Variants in DPH6 observed in about 807,000 individuals in gnomAD.
The protein encoded by DPH6 is diphthamine biosynthesis 6, also known as diphthine--ammonia ligase.
In DPH6, 33 loss-of-function variants were observed where a neutral mutation model predicts 38.2. The observed-to-expected ratio is 0.86, with a 90% CI of 0.65 to 1.15. DPH6 has a LOEUF of 1.15. DPH6 is among the 50% of genes most tolerant of loss of function. The probability of loss-of-function intolerance (pLI) is 0.00; values close to 1 mark genes in which losing one functional copy is unlikely to be tolerated. For missense variants in DPH6, 325 were observed against 320.0 expected (o/e 1.02, Z -0.12); for synonymous variants, 108 against 103.0 (o/e 1.05, Z -0.30).
In DPH6 at chr15:35,225,518, C is replaced by T. The variant is rs376795302; in HGVS notation, n.201-4936G>A. On this transcript the variant is annotated intron_variant and non_coding_transcript_variant, in intron 3 of 3. Transcript: ENST00000560386. ...TTGTTATAGCTTTGGCCATTGGAGA[C>T]GTGTTCAGGATGGCTTTCTGTCTAC... is the stretch of plus-strand genomic sequence containing the variant. 1.4e-4 allele frequency among the ~76,000 whole-genome samples: 22 copies of T among 152,236 alleles called. No homozygotes were observed. In the South Asian group the frequency reaches 4.4e-3, roughly 30 times the overall value.
intron 3 of DPH6, among the ~76,000 whole-genome samples, chr15:35,344,234 A>T (rs1260606886): frequency 6.6e-6 from 1 of 151,978 alleles, no homozygotes; most frequent in Non-Finnish European, 1.5e-5. Context: ...TCAAAGAGGA[A>T]ATGTGAATTG....
intron 5 of DPH6, among the ~76,000 whole-genome samples, chr15:35,425,915 C>T (rs1001708108): frequency 1.3e-5 from 2 of 150,524 alleles, no homozygotes; most frequent in Non-Finnish European, 3.0e-5. Context: ...CCTGCCTTAC[C>T]CAGTGAAGAA....
intron 3 of DPH6, among the ~76,000 whole-genome samples, chr15:35,262,911 A>C (rs1031320852): frequency 6.6e-6 from 1 of 152,158 alleles, no homozygotes; most frequent in African/African-American, 2.4e-5. Flanking sequence ...AAAGTGAGAG[A>C]ATCATGCAGA....
intron 1 of DPH6, among the ~76,000 whole-genome samples, chr15:35,542,964 A>ATATATATATATATATATATG (rs2055281933): frequency 8.1e-6 from 1 of 123,896 alleles, no homozygotes; most frequent in Non-Finnish European, 1.7e-5. Context: ...ATATATATAT[A>ATATATATATATATATATATG]TAAAATAATT....
intron 3 of DPH6, among the ~76,000 whole-genome samples, chr15:35,317,310 AAAG>A (rs2052199425): frequency 6.6e-6 from 1 of 151,352 alleles, no homozygotes; most frequent in South Asian, 2.1e-4. Context: ...GGAAAGAGAG[AAAG>A]AAGGAAGGAA....
At chr15:35,368,029 C>T (rs1360453106), downstream of DPH6, among the ~76,000 whole-genome samples, 2 of 151,808 alleles carry the variant, frequency 1.3e-5, no homozygotes, top group Non-Finnish European at 2.9e-5. Flanking sequence ...GAAAATGGAA[C>T]AGTAGTCAAG....
chr15:35,384,254 A>AT lies in DPH6; in HGVS notation c.568-2339dup, dbSNP rs1364587720. On this transcript the variant is annotated intron_variant, in intron 6 of 8. Transcript: ENST00000256538. ...ATGAAAAATACTAAATCATTAACAG[A>AT]TTTTTGAAAAGTTTAATTTCTCAAT... 3.3e-5 allele frequency among the ~76,000 whole-genome samples: 5 copies of AT among 151,434 alleles called. No individual in the cohort carries two copies. In the East Asian group the frequency reaches 9.6e-4, roughly 29 times the overall value.
At chr15:35,415,677 C>A (rs957407676) in intron 5 of DPH6, among the ~76,000 whole-genome samples, 1 of 151,902 alleles carries the variant, frequency 6.6e-6, no homozygotes, top group Non-Finnish European at 1.5e-5. Context: ...ACAGGTATAC[C>A]TTGGTAAAAA....
chr15:35,322,743 T>C (rs1010880800), intron 3 of DPH6, among the ~76,000 whole-genome samples: 1 of 152,194 alleles, frequency 6.6e-6, no homozygotes, highest in African/African-American at 2.4e-5. Flanking sequence ...TATTTATTCC[T>C]ATTTATTTGA....
At chr15:35,289,953 C>G (rs1249589921) in intron 3 of DPH6, among the ~76,000 whole-genome samples, 1 of 152,154 alleles carries the variant, frequency 6.6e-6, no homozygotes, top group Non-Finnish European at 1.5e-5. Flanking sequence ...TACCTGGAAA[C>G]TATATTGTAG....
intron 6 of DPH6, among the ~76,000 whole-genome samples, chr15:35,390,543 T>C (rs1387548759): frequency 6.6e-6 from 1 of 152,182 alleles, no homozygotes; most frequent in African/African-American, 2.4e-5. Flanking sequence ...GTTCATTTCT[T>C]TTTATTCTTT....
intron 3 of DPH6, among the ~76,000 whole-genome samples, chr15:35,257,031 G>A (rs574618537): frequency 1.3e-5 from 2 of 152,314 alleles, no homozygotes; most frequent in African/African-American, 4.8e-5. Context: ...TGATTTGATA[G>A]TGACAGGGGA....
chr15:35,457,434 C>A (rs2054011699), intron 3 of DPH6, among the ~76,000 whole-genome samples: 1 of 151,982 alleles, frequency 6.6e-6, no homozygotes, highest in African/African-American at 2.4e-5. Context: ...GCTGGGATTA[C>A]AGGCATGTGT....
In DPH6 at chr15:35,385,953, T is replaced by A. The variant is rs9672553; in HGVS notation, c.568-4037A>T. On this transcript the variant is annotated intron_variant, in intron 6 of 8. Coordinates refer to ENST00000256538, the MANE Select transcript of DPH6 (RefSeq NM_080650.4). Reference sequence around the variant, plus strand: ...GTTGGTGTGCTGCACCCATTAACTCTTCATTTAGCATTAGGTATATCTCCT... The same window carrying A: ...GTTGGTGTGCTGCACCCATTAACTCATCATTTAGCATTAGGTATATCTCCT... Among the ~76,000 whole-genome samples, 12 of 151,832 alleles carry A rather than the reference T, an allele frequency of 7.9e-5. No homozygotes were observed. In the South Asian group the frequency reaches 1.0e-3, roughly 13 times the overall value.
At chr15:35,522,836 C>T (rs1302967722) in intron 3 of DPH6, among the ~76,000 whole-genome samples, 2 of 152,106 alleles carry the variant, frequency 1.3e-5, no homozygotes, top group Admixed American at 6.6e-5. Flanking sequence ...CATGTACTTA[C>T]ACAAATGCAT....
At chr15:35,520,936 C>T (rs2054914742) in intron 3 of DPH6, 1 of 985,182 alleles carries the variant, frequency 1.0e-6, no homozygotes, top group Non-Finnish European at 1.2e-6. Flanking sequence ...GAGAGATTAG[C>T]ACCTTCTCTG....
chr15:35,400,546 T>C (rs1285489187), intron 6 of DPH6: 2 of 296,030 alleles, frequency 6.8e-6, no homozygotes, highest in Admixed American at 8.8e-5. Flanking sequence ...AAAAACAACA[T>C]GGAAGGCTGT....
At chr15:35,294,873 A>G (rs2052004755) in intron 3 of DPH6, among the ~76,000 whole-genome samples, 1 of 152,214 alleles carries the variant, frequency 6.6e-6, no homozygotes, top group African/African-American at 2.4e-5. Context: ...GAAATCAAAG[A>G]GAAGACAAAC....
chr15:35,219,078 T>C (rs1236866685), exon 4 of DPH6: 2 of 152,200 alleles, frequency 1.3e-5, no homozygotes, highest in African/African-American at 2.4e-5. Context: ...AAAATTTCTT[T>C]ACATTACAAG....
Sources: gnomAD v4.1 joint callset for allele counts (sites outside exome capture counted in the v4.1 genomes callset) on GRCh38, gnomAD v4.1.1 for gene constraint, MANE v1.5 for transcripts, NCBI Gene and HGNC (gene_info 2026-07-23, HGNC 2026-07-21) for gene names.